The following DISP1 variants were observed in gnomAD, a reference collection of about 807,000 sequenced individuals.
DISP1 encodes the protein protein dispatched homolog 1.
In DISP1, 30 loss-of-function variants were observed where a neutral mutation model predicts 37.3. That is an observed-to-expected ratio of 0.80 (90% confidence interval 0.60 to 1.09). DISP1 has a LOEUF of 1.09. DISP1 is among the 50% of genes least tolerant of loss of function. The pLI, the probability that DISP1 is intolerant of heterozygous loss-of-function variation, is 0.00. For missense variants in DISP1, 1,598 were observed against 1,879.5 expected, an observed-to-expected ratio of 0.85 and a Z score of 2.77; for synonymous variants, 634 against 690.2, an observed-to-expected ratio of 0.92 and a Z score of 1.28.
intron 1 of DISP1, among the ~76,000 whole-genome samples, chr1:222,922,896 G>A (rs1421015359): frequency 6.6e-6 from 1 of 152,072 alleles, no homozygotes; most frequent in African/African-American, 2.4e-5. Context: ...TAAGTAAAGA[G>A]AAAAGAGTAT....
chr1:222,888,642 T>C (rs1285664973), intron 1 of DISP1, among the ~76,000 whole-genome samples: 2 of 152,128 alleles, frequency 1.3e-5, no homozygotes, highest in Non-Finnish European at 2.9e-5. Flanking sequence ...ACATTGAAGA[T>C]AAAAAGCAAG....
At chr1:222,955,185 C>G (rs1358198199) in intron 3 of DISP1, among the ~76,000 whole-genome samples, 2 of 151,658 alleles carry the variant, frequency 1.3e-5, no homozygotes, top group African/African-American at 4.9e-5. Flanking sequence ...CTCCTGAGTT[C>G]ATGTGATTCT....
At chr1:222,992,278 G>C (rs1040905170) in intron 7 of DISP1, among the ~76,000 whole-genome samples, 168 bp downstream of exon 7, 1 of 152,054 alleles carries the variant, frequency 6.6e-6, no homozygotes, top group African/African-American at 2.4e-5. Context: ...TACTTCTCTA[G>C]TTTAGTCAAC....
intron 3 of DISP1, among the ~76,000 whole-genome samples, chr1:222,968,274 C>T (rs1676657872): frequency 6.6e-6 from 1 of 152,122 alleles, no homozygotes; most frequent in Non-Finnish European, 1.5e-5. Context: ...AACTCCCCTT[C>T]AGGAAATGAG....
intron 1 of DISP1, among the ~76,000 whole-genome samples, chr1:222,856,083 C>T (rs552272155): frequency 1.3e-5 from 2 of 152,226 alleles, no homozygotes; most frequent in Non-Finnish European, 1.5e-5. Flanking sequence ...TATTTTTTAT[C>T]GAGTTCAAAT....
intron 3 of DISP1, among the ~76,000 whole-genome samples, chr1:222,968,246 A>G (rs1676654996): frequency 6.6e-6 from 1 of 152,126 alleles, no homozygotes; most frequent in Non-Finnish European, 1.5e-5. Context: ...TCTTCTTACA[A>G]GCCAAGAAAC....
At chr1:222,992,187 T>A in intron 7 of DISP1, 77 bp downstream of exon 7, 1 of 1,152,086 alleles carries the variant, frequency 8.7e-7, no homozygotes, top group South Asian at 1.3e-5. Flanking sequence ...CAGTCTAGAC[T>A]GATAGCCGTG....
Position 223,004,489 on chromosome 1 carries a change from G to C in DISP1, c.3092G>C (p.Gly1031Ala). 6.2e-7 allele frequency: 1 copy of C among 1,614,230 alleles called. No individual in the cohort carries two copies. The highest frequency in any genetic ancestry group is 8.5e-7 in the Non-Finnish European group (1 of 1,180,048). ...FVTVGSLVLL[G>A]WELNVLESVT... is the part of the protein sequence containing the mutation. ...ACTGTTGGTTCTCTTGTCCTGCTGG[G>C]CTGGGAGCTCAATGTGTTGGAATCT... is the stretch of plus-strand genomic sequence containing the variant. The change falls in exon 9 of 9, where the codon GGC becomes GCC. Residue 1031 changes from glycine to alanine, a missense_variant. Coordinates refer to ENST00000675850, the MANE Select transcript of DISP1 (RefSeq NM_001377229.1). This position sits in a 1 kb window ranked among gnomAD's most constrained non-coding sequence, Gnocchi z 4.9.
At chr1:222,929,247 A>G (rs1303141627) in intron 2 of DISP1, among the ~76,000 whole-genome samples, 1 of 152,196 alleles carries the variant, frequency 6.6e-6, no homozygotes, top group African/African-American at 2.4e-5. Flanking sequence ...ACTTAAAAGT[A>G]CAATTCAAAA....
In DISP1 at chr1:222,886,919, G is replaced by A. The variant is rs574687125; in HGVS notation, c.-158-41511G>A. 1.3e-4 allele frequency among the ~76,000 whole-genome samples: 20 copies of A among 152,272 alleles called. No homozygotes were observed. The East Asian group carries it at 3.7e-3, about 28-fold the overall frequency. The stretch of plus-strand genomic sequence containing the variant: ...TTAGTTGCTCAAAATGATTCCTTAT[G>A]GGAATTCCTAGTTTGATGTCATGCA... On this transcript the variant is annotated intron_variant, in intron 1 of 8. Coordinates refer to ENST00000675850, the MANE Select transcript of DISP1 (RefSeq NM_001377229.1).
chr1:222,989,241 A>G (rs1678508693), intron 4 of DISP1, among the ~76,000 whole-genome samples: 1 of 152,230 alleles, frequency 6.6e-6, no homozygotes, highest in Non-Finnish European at 1.5e-5. Flanking sequence ...TAAGAATCCT[A>G]TTTCAAATGA....
At chr1:222,967,712 C>G (rs1676606444) in intron 3 of DISP1, among the ~76,000 whole-genome samples, 1 of 152,148 alleles carries the variant, frequency 6.6e-6, no homozygotes, top group Admixed American at 6.5e-5. Flanking sequence ...GCTCAATTGA[C>G]TTGGCATTGA....
At chr1:222,867,637 T>G (rs1669272699) in intron 1 of DISP1, among the ~76,000 whole-genome samples, 1 of 152,166 alleles carries the variant, frequency 6.6e-6, no homozygotes, top group Admixed American at 6.5e-5. Flanking sequence ...ATTTATTGTT[T>G]AGAGGAGGAA....
At chr1:222,903,449 T>TA (rs199857131) in intron 1 of DISP1, among the ~76,000 whole-genome samples, 26,378 of 147,440 alleles carry the variant, frequency 0.18, 2,649 homozygotes, top group Admixed American at 0.28. Flanking sequence ...AAAGTATAAT[T>TA]AAAAAAAAAA....
intron 1 of DISP1, among the ~76,000 whole-genome samples, chr1:222,922,197 G>A (rs77259492): frequency 0.018 from 2,775 of 152,106 alleles, 73 homozygotes; most frequent in African/African-American, 0.063. Context: ...GGAGAATCTT[G>A]TGTGCCAGCT....
intron 4 of DISP1, 143 bp from the exon 5 acceptor site, chr1:222,990,482 C>G: frequency 8.8e-7 from 1 of 1,139,554 alleles, no homozygotes; most frequent in Non-Finnish European, 1.3e-6. Flanking sequence ...TGATAAACAC[C>G]TGTATGTAGT....
Position 222,971,436 on chromosome 1 carries a change from C to T in DISP1, c.510-11644C>T, listed in dbSNP as rs1676950898. 2.7e-5 allele frequency among the ~76,000 whole-genome samples: 4 copies of T among 150,762 alleles called. No homozygotes were observed. In the South Asian group the frequency reaches 8.4e-4, roughly 32 times the overall value. On this transcript the variant is annotated intron_variant, in intron 3 of 8. Coordinates refer to ENST00000675850, the MANE Select transcript of DISP1 (RefSeq NM_001377229.1). The stretch of plus-strand genomic sequence containing the variant: ...TTTTTTTTTTTCATAGCAGGTGTGA[C>T]TTTTAACCTTCCAAACTCAACCTTG...
At chr1:222,901,364 T>C (rs1671570126) in intron 1 of DISP1, among the ~76,000 whole-genome samples, 1 of 152,076 alleles carries the variant, frequency 6.6e-6, no homozygotes, top group Admixed American at 6.6e-5. Flanking sequence ...AAAATGAATA[T>C]TGAAAATGGA....
intron 8 of DISP1, among the ~76,000 whole-genome samples, chr1:222,997,415 C>T (rs1191629309): frequency 1.3e-5 from 2 of 152,028 alleles, no homozygotes; most frequent in Admixed American, 6.6e-5. Context: ...GGAGACAGTT[C>T]CCCCATAGTC....
Sources: gnomAD v4.1 joint callset for allele counts (sites outside exome capture counted in the v4.1 genomes callset) on GRCh38, gnomAD v4.1.1 for gene constraint, Gnocchi (gnomAD v3.1) non-coding constraint, MANE v1.5 for transcripts, NCBI Gene and HGNC (gene_info 2026-07-23, HGNC 2026-07-21) for gene names.